PALS2: variants seen among roughly 807,000 people sequenced by gnomAD.
PALS2 encodes the protein protein associated with LIN7 2, MAGUK p55 family member, also known as protein PALS2.
PALS2 carries 27 observed loss-of-function variants against 61.6 expected under a neutral mutation model. The observed-to-expected ratio is 0.44, with a 90% CI of 0.32 to 0.60. PALS2 has a LOEUF of 0.60. PALS2 is among the 20% of genes least tolerant of loss of function. PALS2 has a pLI of 0.05. For missense variants in PALS2, 554 were observed against 639.4 expected (o/e 0.87, Z 1.44); for synonymous variants, 236 against 218.6 (o/e 1.08, Z -0.70).
At chr7:24,575,473 C>A (rs1239097123) in intron 1 of PALS2, among the ~76,000 whole-genome samples, 1 of 152,130 alleles carries the variant, frequency 6.6e-6, no homozygotes, top group African/African-American at 2.4e-5. Context: ...ACATAGCCTG[C>A]TTCTCTCTTT....
intron 1 of PALS2, among the ~76,000 whole-genome samples, chr7:24,591,209 A>G (rs117398419): frequency 2.0e-5 from 3 of 152,266 alleles, no homozygotes; most frequent in East Asian, 3.9e-4. Flanking sequence ...ATTAGGACCA[A>G]CTGACCTTAG....
chr7:24,689,115 A>G lies in PALS2; in HGVS notation c.*1501A>G, dbSNP rs922975192. The G allele has an allele frequency of 1.3e-5, 2 of 152,202 alleles. No homozygotes were observed. Among genetic ancestry groups the G allele is most frequent in the African/African-American group, 4.8e-5 (2 of 41,448 alleles). 9.4% of individuals were successfully genotyped at this position (152,202 alleles called of 1,614,324 possible). A position where few individuals can be genotyped will look rare whatever the true frequency, so the allele number is the denominator to read the frequency against. On this transcript the variant is annotated 3_prime_UTR_variant, in exon 12 of 12. Coordinates refer to ENST00000222644, the MANE Select transcript of PALS2 (RefSeq NM_001303037.2). Reference sequence around the variant, plus strand: ...AAGCATGAGCCACTGCACCTAGCCAAGAAGTGTACTTTTTGTTTAATGATT... The same window carrying G: ...AAGCATGAGCCACTGCACCTAGCCAGGAAGTGTACTTTTTGTTTAATGATT...
chr7:24,689,315 T>C lies in PALS2; in HGVS notation c.*1701T>C, dbSNP rs1788359192. The C allele has an allele frequency of 6.6e-6, 1 of 152,232 alleles. No individual in the cohort carries two copies. The highest frequency in any genetic ancestry group is 1.5e-5 in the Non-Finnish European group (1 of 68,040). 9.4% of individuals were successfully genotyped at this position (152,232 alleles called of 1,614,324 possible). A position where few individuals can be genotyped will look rare whatever the true frequency, so the allele number is the denominator to read the frequency against. On this transcript the variant is annotated 3_prime_UTR_variant, in exon 12 of 12. Coordinates refer to ENST00000222644, the MANE Select transcript of PALS2 (RefSeq NM_001303037.2). ...ATTCTGTATTGTTGCTAGCTTTTCA[T>C]GTAAACATTATTCACACTTTAAAGG...
At chr7:24,587,146 A>C (rs1259013636) in intron 1 of PALS2, among the ~76,000 whole-genome samples, 1 of 151,988 alleles carries the variant, frequency 6.6e-6, no homozygotes, top group Non-Finnish European at 1.5e-5. Flanking sequence ...AGGATGGAAA[A>C]GTTCTTTAGA....
intron 7 of PALS2, 111 bp downstream of exon 7, chr7:24,665,798 C>A: frequency 1.9e-6 from 2 of 1,029,750 alleles, no homozygotes; most frequent in Non-Finnish European, 2.9e-6. Context: ...AGAATGAATC[C>A]CTCCCTCTGC....
chr7:24,613,789 A>G (rs1219970740), intron 1 of PALS2, among the ~76,000 whole-genome samples: 1 of 151,392 alleles, frequency 6.6e-6, no homozygotes, highest in Non-Finnish European at 1.5e-5. Context: ...TCTACTTTCT[A>G]CTTCTGTAAG....
chr7:24,603,720 C>T (rs1238762238), intron 1 of PALS2, among the ~76,000 whole-genome samples: 2 of 152,032 alleles, frequency 1.3e-5, no homozygotes, highest in Non-Finnish European at 1.5e-5. Context: ...ATAGGTACAA[C>T]CCCAAGAGAG....
intron 3 of PALS2, among the ~76,000 whole-genome samples, chr7:24,644,033 A>C (rs768778678): frequency 5.3e-5 from 8 of 151,570 alleles, no homozygotes; most frequent in Non-Finnish European, 1.2e-4. Flanking sequence ...TTCTCTATCA[A>C]CCATGTACCT....
intron 2 of PALS2, among the ~76,000 whole-genome samples, chr7:24,627,678 A>AG (rs1179958455): frequency 6.6e-6 from 1 of 152,240 alleles, no homozygotes; most frequent in African/African-American, 2.4e-5. Context: ...AAAATGGTAA[A>AG]GGGGATACCA....
In PALS2 at chr7:24,579,512, C is replaced by T. The variant is rs184594117; in HGVS notation, c.-3+5919C>T. Among the ~76,000 whole-genome samples, 120 of 152,202 alleles carry T rather than the reference C, an allele frequency of 7.9e-4. 1 individual carries two copies. Among genetic ancestry groups the T allele is most frequent in the Admixed American group, 2.2e-3 (33 of 15,294 alleles). On this transcript the variant is annotated intron_variant, in intron 1 of 11. Coordinates refer to ENST00000222644, the MANE Select transcript of PALS2 (RefSeq NM_001303037.2). ...AAACTGAAACAGCAGGCTTCCTCCC[C>T]CAAAAAGAGATACCTTTTGAGTGGT...
At chr7:24,686,069 C>A (rs1391586604) in intron 11 of PALS2, among the ~76,000 whole-genome samples, 1 of 152,158 alleles carries the variant, frequency 6.6e-6, no homozygotes, top group Non-Finnish European at 1.5e-5. Flanking sequence ...GCTCTCCCTA[C>A]CCCTCAACTC....
rs1784355265 is a variant in PALS2 at position 24,618,039 on chromosome 7, T to C, written c.-2-5627T>C. Among the ~76,000 whole-genome samples the C allele has an allele frequency of 6.6e-6, 1 of 152,172 alleles. No individual in the cohort carries two copies. Among genetic ancestry groups the C allele is most frequent in the Non-Finnish European group, 1.5e-5 (1 of 68,024 alleles). On this transcript the variant is annotated intron_variant, in intron 1 of 11. Coordinates refer to ENST00000222644, the MANE Select transcript of PALS2 (RefSeq NM_001303037.2). The surrounding 1 kb of genome is among the most constrained non-coding windows in gnomAD (Gnocchi z 5.1). ...TGGGCATGTTTGTTGAGTTCAGGCC[T>C]CCTGGAGTATCTTAGGGTGTAGGTG... is the stretch of plus-strand genomic sequence containing the variant.
At chr7:24,677,280 A>T (rs548626542) in intron 9 of PALS2, among the ~76,000 whole-genome samples, 7 of 152,110 alleles carry the variant, frequency 4.6e-5, no homozygotes, top group African/African-American at 1.7e-4. Flanking sequence ...GGCTGAGACA[A>T]TGGGGTTTTC....
In PALS2 at chr7:24,692,889, A is replaced by G. The variant is rs545184542; in HGVS notation, c.*5275A>G. 3 of 152,252 alleles carry G rather than the reference A, an allele frequency of 2.0e-5. No homozygotes were observed. The highest frequency in any genetic ancestry group is 2.9e-5 in the Non-Finnish European group (2 of 67,988). The allele number at this position is 152,252 out of a possible 1,614,324, so 9.4% of individuals were successfully genotyped here. On this transcript the variant is annotated 3_prime_UTR_variant, in exon 12 of 12. Transcript: ENST00000222644. Reference sequence around the variant, plus strand: ...ATACCATTAATTTAAAAAGGCATCTATTTCTTTATAGAAAGAAACATTCAC... The same window carrying G: ...ATACCATTAATTTAAAAAGGCATCTGTTTCTTTATAGAAAGAAACATTCAC...
intron 8 of PALS2, among the ~76,000 whole-genome samples, chr7:24,666,474 C>G (rs1787024203): frequency 6.6e-6 from 1 of 152,074 alleles, no homozygotes; most frequent in Non-Finnish European, 1.5e-5. Context: ...GCAACTGTAT[C>G]CTGCCATAAC....
chr7:24,638,323 T>TTTTTTTTTTTTTTTC (rs1785345233), intron 2 of PALS2, among the ~76,000 whole-genome samples: 2 of 6,910 alleles, frequency 2.9e-4, no homozygotes. Flanking sequence ...CTGTATTTTC[T>TTTTTTTTTTTTTTTC]TTTTTTTTTT....
At chr7:24,579,930 A>G (rs1184971171) in intron 1 of PALS2, among the ~76,000 whole-genome samples, 1 of 152,112 alleles carries the variant, frequency 6.6e-6, no homozygotes, top group East Asian at 1.9e-4. Context: ...GTTGGGTAGG[A>G]TTAATATTTT....
intron 11 of PALS2, among the ~76,000 whole-genome samples, chr7:24,684,344 C>A (rs943474308): frequency 1.3e-5 from 2 of 152,166 alleles, no homozygotes; most frequent in African/African-American, 4.8e-5. Flanking sequence ...ACTTGAAGTA[C>A]CTCCTTTCTG....
chr7:24,606,655 G>T (rs765262920), intron 1 of PALS2, among the ~76,000 whole-genome samples: 3 of 151,888 alleles, frequency 2.0e-5, no homozygotes, highest in Non-Finnish European at 4.4e-5. Context: ...ATGTTGCCCA[G>T]ACTGGTTTTG....
Sources: allele counts gnomAD v4.1 joint callset (sites outside exome capture counted in the v4.1 genomes callset), GRCh38; gene constraint gnomAD v4.1.1; non-coding constraint Gnocchi (gnomAD v3.1); transcripts MANE v1.5; gene names NCBI Gene and HGNC (gene_info 2026-07-23, HGNC 2026-07-21).